ROBO2: variants seen among roughly 807,000 people sequenced by gnomAD.
ROBO2 encodes the protein roundabout guidance receptor 2.
In ROBO2, 53 loss-of-function variants were observed where a neutral mutation model predicts 160.8. That is an observed-to-expected ratio of 0.33 (90% CI 0.26 to 0.41). The LOEUF (loss-of-function observed/expected upper bound fraction) is 0.41, where lower values mean the gene tolerates loss of function less well. Among genes scored for constraint, ROBO2 ranks in the 10% least tolerant of loss-of-function variants. ROBO2 has a pLI of 1.00. For missense variants in ROBO2, 1,577 were observed against 1,722.4 expected (o/e 0.92, Z 1.49); for synonymous variants, 664 against 611.7 (o/e 1.09, Z -1.26).
At chr3:76,200,039 A>G (rs1342796498) in intron 2 of ROBO2, among the ~76,000 whole-genome samples, 1 of 152,122 alleles carries the variant, frequency 6.6e-6, no homozygotes, top group Non-Finnish European at 1.5e-5. Flanking sequence ...TTTTTTCTCT[A>G]TTTATCTGAA....
intron 2 of ROBO2, among the ~76,000 whole-genome samples, chr3:77,435,244 T>C (rs2079161406): frequency 2.0e-5 from 3 of 151,978 alleles, no homozygotes; most frequent in Admixed American, 2.0e-4. Context: ...AAGTATCTTA[T>C]ACTGACTCCA....
chr3:76,316,176 G>T (rs1214670915), intron 2 of ROBO2, among the ~76,000 whole-genome samples: 1 of 152,114 alleles, frequency 6.6e-6, no homozygotes, highest in Non-Finnish European at 1.5e-5. Flanking sequence ...GGGTTCGAGA[G>T]CAGAGAACTG....
chr3:76,940,752 C>T (rs78028924), intron 2 of ROBO2, among the ~76,000 whole-genome samples: 2 of 152,158 alleles, frequency 1.3e-5, no homozygotes, highest in East Asian at 3.9e-4. Context: ...GGCTTTATTG[C>T]ACAATGTATA....
chr3:76,952,002 C>T (rs531562685), intron 2 of ROBO2, among the ~76,000 whole-genome samples: 31 of 152,280 alleles, frequency 2.0e-4, no homozygotes, highest in Non-Finnish European at 3.7e-4. Context: ...ACACACAGTC[C>T]GTGACTACAT....
intron 2 of ROBO2, among the ~76,000 whole-genome samples, chr3:76,460,409 C>A (rs2078020492): frequency 6.6e-6 from 1 of 152,140 alleles, no homozygotes; most frequent in South Asian, 2.1e-4. Flanking sequence ...GGCATGGTGA[C>A]TCACTTTGAA....
chr3:76,714,333 T>C (rs1213196621), intron 2 of ROBO2, among the ~76,000 whole-genome samples: 1 of 152,096 alleles, frequency 6.6e-6, no homozygotes, highest in African/African-American at 2.4e-5. Flanking sequence ...TGTGGAAAAG[T>C]AGATAATTAC....
intron 2 of ROBO2, among the ~76,000 whole-genome samples, chr3:77,190,312 T>C (rs994717172): frequency 6.6e-6 from 1 of 151,952 alleles, no homozygotes; most frequent in Non-Finnish European, 1.5e-5. Flanking sequence ...GTTTTGTAGG[T>C]ATTTGCAACT....
intron 2 of ROBO2, among the ~76,000 whole-genome samples, chr3:76,876,023 C>G (rs1014353970): frequency 2.0e-5 from 3 of 151,982 alleles, no homozygotes; most frequent in African/African-American, 7.2e-5. Context: ...AATGCCCCAT[C>G]TCAAGATTTT....
chr3:76,442,065 GC>G (rs1221312684), intron 2 of ROBO2, among the ~76,000 whole-genome samples: 2 of 152,166 alleles, frequency 1.3e-5, no homozygotes, highest in African/African-American at 4.8e-5. Flanking sequence ...GAATATAACG[GC>G]CAAAGACCAT....
chr3:77,609,629 A>G (rs1323882366), intron 21 of ROBO2, among the ~76,000 whole-genome samples: 2 of 151,966 alleles, frequency 1.3e-5, no homozygotes, highest in East Asian at 3.9e-4. Flanking sequence ...ATCAAAATCA[A>G]TGCTAAACTT....
chr3:77,523,761 C>A (rs1485324397), intron 6 of ROBO2, among the ~76,000 whole-genome samples: 1 of 151,266 alleles, frequency 6.6e-6, no homozygotes, highest in East Asian at 2.0e-4. Context: ...CAAAGATAGG[C>A]AAGCACATCC....
At chr3:77,343,811 C>G (rs1350307159) in intron 2 of ROBO2, among the ~76,000 whole-genome samples, 1 of 151,982 alleles carries the variant, frequency 6.6e-6, no homozygotes, top group African/African-American at 2.4e-5. Flanking sequence ...AAAAGAATGG[C>G]AAGTACAAAC....
chr3:77,609,927 C>T (rs2094595171), intron 21 of ROBO2, among the ~76,000 whole-genome samples: 1 of 150,306 alleles, frequency 6.7e-6, no homozygotes, highest in Admixed American at 6.6e-5. Flanking sequence ...AGATCTTAGC[C>T]AGTCAGTAAT....
chr3:77,445,794 G>GTTTTTTTTTTTT (rs199914360), intron 2 of ROBO2, among the ~76,000 whole-genome samples: 8 of 123,074 alleles, frequency 6.5e-5, no homozygotes, highest in East Asian at 2.5e-4. Flanking sequence ...GTTTTTTTTT[G>GTTTTTTTTTTTT]TTTTTTTTTT....
chr3:76,364,254 C>A (rs1271637857), intron 2 of ROBO2, among the ~76,000 whole-genome samples: 1 of 152,046 alleles, frequency 6.6e-6, no homozygotes. Flanking sequence ...TCCCTGACTC[C>A]TGAATCCAAA....
At chr3:76,309,743 A>G (rs934509475) in intron 2 of ROBO2, among the ~76,000 whole-genome samples, 4 of 152,018 alleles carry the variant, frequency 2.6e-5, no homozygotes, top group Non-Finnish European at 5.9e-5. Flanking sequence ...TAACATGTAG[A>G]CAGATTTAAA....
At chr3:76,992,325 CTATATATATATATATATA>C (rs10530833) in intron 2 of ROBO2, among the ~76,000 whole-genome samples, 5 of 46,890 alleles carry the variant, frequency 1.1e-4, no homozygotes, top group East Asian at 1.2e-3. Flanking sequence ...CCATGTATTA[CTATATATATATATATATA>C]TATATATATA....
chr3:76,880,549 T>C (rs1051222901), intron 2 of ROBO2, among the ~76,000 whole-genome samples: 1 of 152,170 alleles, frequency 6.6e-6, no homozygotes, highest in Non-Finnish European at 1.5e-5. Flanking sequence ...ACTAGTTCAT[T>C]AGACATGTTA....
intron 2 of ROBO2, among the ~76,000 whole-genome samples, chr3:77,387,574 G>A (rs1047960258): frequency 3.3e-5 from 5 of 150,716 alleles, no homozygotes; most frequent in African/African-American, 7.3e-5. Context: ...GATCTCCTGC[G>A]ATCACCCTGT....
Sources: gnomAD v4.1 joint callset for allele counts (sites outside exome capture counted in the v4.1 genomes callset) on GRCh38, gnomAD v4.1.1 for gene constraint, MANE v1.5 for transcripts, NCBI Gene and HGNC (gene_info 2026-07-23, HGNC 2026-07-21) for gene names.